Variants in S100Z observed in about 807,000 individuals in gnomAD.
S100Z encodes protein S100-Z.
In S100Z, 11 loss-of-function variants were observed where a neutral mutation model predicts 8.5. That is an observed-to-expected ratio of 1.30 (90% CI 0.82 to 2.15). S100Z has a LOEUF of 2.15. S100Z is among the 30% of genes most tolerant of loss of function. The pLI, the probability that S100Z is intolerant of heterozygous loss-of-function variation, is 0.00. For synonymous variants in S100Z, 34 were observed against 43.8 expected (o/e 0.78, Z 0.89); for missense variants, 126 against 117.9 (o/e 1.07, Z -0.32).
At chr5:76,930,086 T>C in the S100Z span, among the ~76,000 whole-genome samples, 32 of 152,372 alleles carry the variant, frequency 2.1e-4, no homozygotes, top group East Asian at 5.8e-3. Context: ...GCAGTGAAGA[T>C]ATCTTCTATT....
downstream of S100Z, among the ~76,000 whole-genome samples, chr5:76,923,325 G>A (rs1466679687): frequency 1.3e-5 from 2 of 152,184 alleles, no homozygotes; most frequent in African/African-American, 4.8e-5. Context: ...TTATTCCCAT[G>A]TTATTTAATT....
At chr5:76,869,884 G>A (rs963982647) in intron 1 of S100Z, among the ~76,000 whole-genome samples, 5 of 152,078 alleles carry the variant, frequency 3.3e-5, no homozygotes, top group Non-Finnish European at 7.4e-5. Flanking sequence ...TTAGCCCAGC[G>A]TGGCGGTGCC....
intron 4 of S100Z, among the ~76,000 whole-genome samples, chr5:76,898,244 G>A (rs185616497): frequency 2.6e-4 from 40 of 151,258 alleles, no homozygotes; most frequent in African/African-American, 8.5e-4. Context: ...TCCACCTCCC[G>A]GGTTCAAGTG....
intron 4 of S100Z, among the ~76,000 whole-genome samples, chr5:76,896,164 C>T: frequency 6.6e-6 from 1 of 151,996 alleles, no homozygotes; most frequent in Non-Finnish European, 1.5e-5. Flanking sequence ...ATTAATCATC[C>T]CCACCGTCCT....
intron 4 of S100Z, among the ~76,000 whole-genome samples, chr5:76,904,729 G>C (rs1224060425): frequency 6.6e-6 from 1 of 151,812 alleles, no homozygotes; most frequent in Non-Finnish European, 1.5e-5. Context: ...TTTTTTGGTA[G>C]AGATGGGGTC....
chr5:76,868,846 A>C (rs1742894593), intron 1 of S100Z, among the ~76,000 whole-genome samples: 1 of 151,640 alleles, frequency 6.6e-6, no homozygotes, highest in African/African-American at 2.4e-5. Flanking sequence ...CTGGTCTCAA[A>C]CTCCTGACCT....
rs1743155684 is a variant in S100Z, at chr5:76,875,446, C to T, written c.87C>T (p.Leu29=). ...GCAAGGAAAGGAAGAGATTCAAGCT[C>T]AGCAAGGGGGAACTGAAACTGCTCC... The part of the protein sequence containing the change: ...YSGKERKRFK[L]SKGELKLLLQ... The change falls in exon 3 of 5, where the codon CTC becomes CTT. Residue 29 remains leucine, a synonymous_variant. Transcript: ENST00000317593. The T allele has an allele frequency of 1.2e-6, 2 of 1,612,726 alleles. No individual in the cohort carries two copies.
intron 4 of S100Z, among the ~76,000 whole-genome samples, chr5:76,890,725 G>A (rs1032584022): frequency 1.3e-5 from 2 of 152,196 alleles, no homozygotes; most frequent in African/African-American, 4.8e-5. Context: ...AGGGTGTGGG[G>A]TGTCCAAGGG....
chr5:76,866,583 T>C (rs1356171833), intron 1 of S100Z, among the ~76,000 whole-genome samples: 2 of 152,324 alleles, frequency 1.3e-5, no homozygotes, highest in African/African-American at 4.8e-5. Flanking sequence ...ATTTTTTTTA[T>C]CTTTTATACA....
chr5:76,932,337 G>A, the S100Z span, among the ~76,000 whole-genome samples: 2 of 152,096 alleles, frequency 1.3e-5, no homozygotes, highest in East Asian at 1.9e-4. Flanking sequence ...CCCTTCTCAC[G>A]ATGAGACCGA....
At chr5:76,881,917 C>T (rs934117289) in intron 4 of S100Z, among the ~76,000 whole-genome samples, 1 of 152,134 alleles carries the variant, frequency 6.6e-6, no homozygotes, top group African/African-American at 2.4e-5. Context: ...AGTAAAGCGG[C>T]CTTGAGAAGA....
chr5:76,867,837 C>T (rs1461181224), intron 1 of S100Z, among the ~76,000 whole-genome samples: 1 of 152,182 alleles, frequency 6.6e-6, no homozygotes, highest in African/African-American at 2.4e-5. Context: ...CCACCTTGGC[C>T]TCCCAAAATG....
At chr5:76,883,801 G>C (rs1377751627) in intron 4 of S100Z, among the ~76,000 whole-genome samples, 2 of 152,214 alleles carry the variant, frequency 1.3e-5, no homozygotes, top group Non-Finnish European at 2.9e-5. Flanking sequence ...GGAGTCCCAG[G>C]CTGCGGGCAT....
the S100Z span, among the ~76,000 whole-genome samples, chr5:76,928,488 G>A: frequency 6.6e-6 from 1 of 152,246 alleles, no homozygotes; most frequent in East Asian, 1.9e-4. Context: ...ATGGAGCAGG[G>A]GTGAGCTGGG....
the S100Z span, among the ~76,000 whole-genome samples, chr5:76,942,993 G>A: frequency 6.6e-6 from 1 of 152,236 alleles, no homozygotes; most frequent in African/African-American, 2.4e-5. Flanking sequence ...ATATTGTGAA[G>A]TATTCAGTGG....
intron 4 of S100Z, among the ~76,000 whole-genome samples, chr5:76,878,676 G>A (rs139848016): frequency 1.3e-3 from 200 of 152,292 alleles, no homozygotes; most frequent in African/African-American, 4.1e-3. Flanking sequence ...ATATTTATGC[G>A]TGTAAATGAT....
chr5:76,924,053 C>T (rs980102477), downstream of S100Z, among the ~76,000 whole-genome samples: 7 of 152,104 alleles, frequency 4.6e-5, no homozygotes, highest in African/African-American at 9.7e-5. Context: ...CCTAAAATAT[C>T]GCTAAGCAGA....
At chr5:76,892,733 T>C (rs1056506287) in intron 4 of S100Z, among the ~76,000 whole-genome samples, 5 of 152,200 alleles carry the variant, frequency 3.3e-5, no homozygotes, top group Non-Finnish European at 7.3e-5. Flanking sequence ...CAGCGCTCAT[T>C]GAATTCACAT....
the S100Z span, among the ~76,000 whole-genome samples, chr5:76,945,460 GA>G: frequency 6.6e-6 from 1 of 152,194 alleles, no homozygotes; most frequent in Non-Finnish European, 1.5e-5. Flanking sequence ...CTGCCCCTGG[GA>G]ATGGAATGTC....
Sources: allele counts gnomAD v4.1 joint callset (sites outside exome capture counted in the v4.1 genomes callset), GRCh38; gene constraint gnomAD v4.1.1; transcripts MANE v1.5; gene names NCBI Gene and HGNC (gene_info 2026-07-23, HGNC 2026-07-21).